NAPB: variants seen among roughly 807,000 people sequenced by gnomAD.
NAPB encodes beta-soluble NSF attachment protein.
A neutral mutation model predicts 44.7 loss-of-function variants in NAPB; 26 were observed. That is an observed-to-expected ratio of 0.58 (90% CI 0.43 to 0.81). The LOEUF is 0.81. NAPB is among the 30% of genes least tolerant of loss of function. The pLI is 0.00. For synonymous variants in NAPB, 120 were observed against 116.8 expected, an observed-to-expected ratio of 1.03 and a Z score of -0.18; for missense variants, 315 against 356.4, an observed-to-expected ratio of 0.88 and a Z score of 0.94.
At chr20:23,397,568 G>A (rs947315159) in intron 2 of NAPB, among the ~76,000 whole-genome samples, 1 of 151,160 alleles carries the variant, frequency 6.6e-6, no homozygotes, top group East Asian at 1.9e-4. Flanking sequence ...AAAACACTGA[G>A]CGCAAAGATA....
Position 23,379,926 on chromosome 20 carries a change from C to T in NAPB, c.676G>A (p.Glu226Lys). Reference protein sequence around the residue: ...VDELNAKLALEKYEEMFPAFT... With the variant: ...VDELNAKLALKKYEEMFPAFT... ...GCTGGAAACATTTCCTCATATTTCT[C>T]AAGAGCAAGCTGAGAGAGAAAAACC... The change falls in exon 9 of 11, where the codon GAG (glutamate) becomes AAG (lysine). Residue 226 changes from glutamate (E) to lysine (K), a missense_variant. Transcript: ENST00000377026. The T allele has an allele frequency of 6.2e-7, 1 of 1,612,958 alleles. No individual in the cohort carries two copies. Among genetic ancestry groups the T allele is most frequent in the Non-Finnish European group, 8.5e-7 (1 of 1,179,348 alleles).
intron 1 of NAPB, among the ~76,000 whole-genome samples, chr20:23,414,212 C>T (rs1985851441): frequency 6.6e-6 from 1 of 152,074 alleles, no homozygotes; most frequent in African/African-American, 2.4e-5. Context: ...ATCCCAGCTG[C>T]TGAGGAGGCT....
At chr20:23,394,054 A>G (rs1324123838) in intron 5 of NAPB, among the ~76,000 whole-genome samples, 1 of 152,172 alleles carries the variant, frequency 6.6e-6, no homozygotes, top group African/African-American at 2.4e-5. Context: ...TGGGGCTGGG[A>G]GGAAGCAATT....
intron 2 of NAPB, among the ~76,000 whole-genome samples, chr20:23,402,525 T>C (rs555825596): frequency 6.6e-6 from 1 of 152,190 alleles, no homozygotes; most frequent in African/African-American, 2.4e-5. Context: ...CTTTCAGTTC[T>C]CAGTGGAATC....
chr20:23,413,699 G>A (rs1272310360), intron 1 of NAPB, among the ~76,000 whole-genome samples: 1 of 152,028 alleles, frequency 6.6e-6, no homozygotes, highest in East Asian at 1.9e-4. Flanking sequence ...TATGCACAAT[G>A]CAAATACATT....
At chr20:23,417,393 A>G (rs997230640) in intron 1 of NAPB, among the ~76,000 whole-genome samples, 2 of 152,110 alleles carry the variant, frequency 1.3e-5, no homozygotes, top group African/African-American at 4.8e-5. Flanking sequence ...CTCCACTGTC[A>G]GTCTTAAGCA....
chr20:23,415,409 C>T (rs934243139), intron 1 of NAPB, among the ~76,000 whole-genome samples: 7 of 152,018 alleles, frequency 4.6e-5, no homozygotes, highest in African/African-American at 1.7e-4. Flanking sequence ...GCCTGGCCAA[C>T]ATGGTGAAAC....
At chr20:23,414,134 C>CA (rs1985846143) in intron 1 of NAPB, among the ~76,000 whole-genome samples, 1 of 152,108 alleles carries the variant, frequency 6.6e-6, no homozygotes, top group Non-Finnish European at 1.5e-5. Context: ...CCAGCCTAGC[C>CA]AATATGGTGA....
intron 6 of NAPB, 48 bp from the exon 7 acceptor site, chr20:23,390,078 T>C: frequency 6.3e-7 from 1 of 1,593,834 alleles, no homozygotes; most frequent in Non-Finnish European, 8.6e-7. Context: ...AATGGAAAAA[T>C]AAAAGATGTG....
chr20:23,387,546 C>CA (rs759950230), intron 7 of NAPB, among the ~76,000 whole-genome samples: 11 of 151,516 alleles, frequency 7.3e-5, no homozygotes, highest in Non-Finnish European at 1.3e-4. Context: ...GGTTGCAGGA[C>CA]AAAAAATTGA....
At chr20:23,403,227 GT>G (rs979486916) in intron 1 of NAPB, among the ~76,000 whole-genome samples, 155 bp from the exon 2 acceptor site, 5 of 152,174 alleles carry the variant, frequency 3.3e-5, no homozygotes, top group African/African-American at 1.2e-4. Context: ...TACTATACCT[GT>G]TTTCCAGATG....
At chr20:23,406,922 T>C (rs1985294766) in intron 1 of NAPB, among the ~76,000 whole-genome samples, 1 of 152,252 alleles carries the variant, frequency 6.6e-6, no homozygotes, top group Admixed American at 6.5e-5. Context: ...CCAGGTTTTA[T>C]GCTAGATATT....
At chr20:23,395,354 C>G (rs563649792) in intron 3 of NAPB, among the ~76,000 whole-genome samples, 169 bp from the exon 4 acceptor site, 2 of 152,290 alleles carry the variant, frequency 1.3e-5, no homozygotes, top group South Asian at 2.1e-4. Context: ...AGTCCAGATT[C>G]ATCAGCATGG....
chr20:23,408,651 A>G (rs1161871079), intron 1 of NAPB, among the ~76,000 whole-genome samples: 3 of 152,378 alleles, frequency 2.0e-5, no homozygotes, highest in Admixed American at 6.5e-5. Flanking sequence ...AGTGCTTAAT[A>G]TATTTTAAAA....
rs145035993 is a variant in NAPB, at chr20:23,405,476, C to T, written c.99-2404G>A. 1.3e-3 allele frequency among the ~76,000 whole-genome samples: 201 copies of T among 152,296 alleles called. 2 individuals are homozygous for T. Among genetic ancestry groups the T allele is most frequent in the African/African-American group, 3.7e-3 (152 of 41,556 alleles). ...GTGGCTCACGCCTGTAATCCCAGCG[C>T]TTTGGGAGGCTGAGGTGGGTGGATC... is the stretch of plus-strand genomic sequence containing the variant. On this transcript the variant is annotated intron_variant, in intron 1 of 10. Coordinates refer to ENST00000377026, the MANE Select transcript of NAPB (RefSeq NM_022080.3).
rs545331996 is a variant in NAPB at position 23,411,986 on chromosome 20, T to C, written c.99-8914A>G. Among the ~76,000 whole-genome samples, 8 of 152,284 alleles carry C rather than the reference T, an allele frequency of 5.3e-5. No individual in the cohort carries two copies. The East Asian group carries it at 1.5e-3, about 29-fold the overall frequency. ...ACAAGAAACACAACTAAAATACCTATTCCGAAAGGCTTAAAATAAAGAGAT... is the reference window on the plus strand; with the variant it reads ...ACAAGAAACACAACTAAAATACCTACTCCGAAAGGCTTAAAATAAAGAGAT... On this transcript the variant is annotated intron_variant, in intron 1 of 10. Coordinates refer to ENST00000377026, the MANE Select transcript of NAPB (RefSeq NM_022080.3).
In NAPB at chr20:23,379,656, T is replaced by A. The variant is rs1227051942; in HGVS notation, c.736-161A>T. ...CAAGTTAGGGATCTAGCTTCTGTAGTAACATTTCTCAGGTGCCTATTTCAG... is the reference window on the plus strand; with the variant it reads ...CAAGTTAGGGATCTAGCTTCTGTAGAAACATTTCTCAGGTGCCTATTTCAG... On this transcript the variant is annotated intron_variant, in intron 9 of 10. Coordinates refer to ENST00000377026, the MANE Select transcript of NAPB (RefSeq NM_022080.3). The A allele has an allele frequency of 1.0e-5, 7 of 673,728 alleles. No individual in the cohort carries two copies. In the East Asian group the frequency reaches 1.9e-4, roughly 18 times the overall value. 41.7% of individuals were successfully genotyped at this position (673,728 alleles called of 1,614,324 possible).
At chr20:23,387,923 A>G (rs1203221849) in intron 7 of NAPB, among the ~76,000 whole-genome samples, 3 of 152,132 alleles carry the variant, frequency 2.0e-5, no homozygotes, top group Non-Finnish European at 4.4e-5. Flanking sequence ...TAACGTTTGC[A>G]TCAGTAGGAT....
At chr20:23,408,299 A>G (rs770654833) in intron 1 of NAPB, among the ~76,000 whole-genome samples, 2 of 152,224 alleles carry the variant, frequency 1.3e-5, no homozygotes, top group Non-Finnish European at 2.9e-5. Flanking sequence ...CTTAGCCACT[A>G]GACTGATGCT....
Sources: gnomAD v4.1 joint callset for allele counts (sites outside exome capture counted in the v4.1 genomes callset) on GRCh38, gnomAD v4.1.1 for gene constraint, MANE v1.5 for transcripts, NCBI Gene and HGNC (gene_info 2026-07-23, HGNC 2026-07-21) for gene names.